Variants in SFXN5 observed in about 807,000 individuals in gnomAD.
SFXN5 encodes sideroflexin-5.
In SFXN5, 43 loss-of-function variants were observed where a neutral mutation model predicts 50.2. The observed-to-expected ratio is 0.86, with a 90% CI of 0.67 to 1.11. SFXN5 has a LOEUF of 1.11. Among genes scored for constraint, SFXN5 ranks in the 50% least tolerant of loss-of-function variants. SFXN5 has a pLI of 0.00. For synonymous variants in SFXN5, 203 were observed against 185.8 expected, an observed-to-expected ratio of 1.09 and a Z score of -0.75; for missense variants, 463 against 454.1, an observed-to-expected ratio of 1.02 and a Z score of -0.18.
chr2:73,031,456 AC>A (rs143256503), intron 3 of SFXN5, among the ~76,000 whole-genome samples: 4,704 of 152,348 alleles, frequency 0.031, 237 homozygotes, highest in African/African-American at 0.11. Flanking sequence ...GAGCTGTTAT[AC>A]AGGACAGAAA....
chr2:72,966,340 T>G (rs1465288724), intron 12 of SFXN5, among the ~76,000 whole-genome samples: 3 of 152,166 alleles, frequency 2.0e-5, no homozygotes, highest in Non-Finnish European at 4.4e-5. Context: ...GACTCAGCAA[T>G]CTCAAGGACA....
At chr2:73,029,129 C>T (rs976566224) in intron 3 of SFXN5, among the ~76,000 whole-genome samples, 9 of 152,214 alleles carry the variant, frequency 5.9e-5, no homozygotes, top group African/African-American at 9.6e-5. Context: ...GGCCTGTCCC[C>T]GAGCCTCCCA....
intron 4 of SFXN5, 40 bp downstream of exon 4, chr2:73,023,148 C>A: frequency 1.3e-6 from 2 of 1,591,302 alleles, no homozygotes; most frequent in East Asian, 2.3e-5. Flanking sequence ...GAGTCCAGGA[C>A]AACACGGAGA....
Position 72,944,699 on chromosome 2 carries a change from AAAGG to A in SFXN5, c.*319_*322del, listed in dbSNP as rs1671739357. On this transcript the variant is annotated 3_prime_UTR_variant, in exon 14 of 14. Coordinates refer to ENST00000272433, the MANE Select transcript of SFXN5 (RefSeq NM_144579.3). The stretch of plus-strand genomic sequence containing the variant: ...AAAATAAAAAAGGAACCAAAGTATA[AAAGG>A]ATTCTACTTCTACCCCATGGGCACT... The A allele has an allele frequency of 7.4e-6, 2 of 271,638 alleles. No homozygotes were observed. Among genetic ancestry groups the A allele is most frequent in the Non-Finnish European group, 1.4e-5 (2 of 144,720 alleles). 16.8% of individuals were successfully genotyped at this position (271,638 alleles called of 1,614,324 possible). A position where few individuals can be genotyped will look rare whatever the true frequency, so the allele number is the denominator to read the frequency against.
intron 1 of SFXN5, chr2:73,059,895 T>C: frequency 2.0e-6 from 2 of 978,020 alleles, no homozygotes; most frequent in Non-Finnish European, 2.4e-6. Context: ...ACCAAGGATA[T>C]TCACTGCTGC....
intron 3 of SFXN5, among the ~76,000 whole-genome samples, chr2:73,033,949 T>A (rs1228545763): frequency 6.6e-6 from 1 of 151,964 alleles, no homozygotes; most frequent in Non-Finnish European, 1.5e-5. Context: ...TGGACAGCCC[T>A]CGCAAAAAAG....
chr2:72,995,997 C>T (rs1673177415), intron 9 of SFXN5, among the ~76,000 whole-genome samples: 2 of 152,278 alleles, frequency 1.3e-5, no homozygotes, highest in South Asian at 4.1e-4. Context: ...CAATCAGTGG[C>T]CTAATTAATA....
chr2:73,033,442 GT>G (rs1367557654), intron 3 of SFXN5, among the ~76,000 whole-genome samples: 26 of 152,236 alleles, frequency 1.7e-4, no homozygotes, highest in Non-Finnish European at 2.5e-4. Context: ...AGGATAGCAA[GT>G]GTGAGCAGGT....
At chr2:73,055,914 T>C (rs1682051952) in intron 2 of SFXN5, among the ~76,000 whole-genome samples, 1 of 152,178 alleles carries the variant, frequency 6.6e-6, no homozygotes, top group African/African-American at 2.4e-5. Context: ...ACCGGGCCAG[T>C]GAATGTCTTG....
chr2:73,069,597 C>T (rs959764178), intron 1 of SFXN5, among the ~76,000 whole-genome samples: 1 of 152,142 alleles, frequency 6.6e-6, no homozygotes, highest in Non-Finnish European at 1.5e-5. Context: ...TTCAAAAGTG[C>T]ATACAACAAA....
chr2:72,952,254 T>C (rs1672614388), intron 13 of SFXN5, among the ~76,000 whole-genome samples: 1 of 152,252 alleles, frequency 6.6e-6, no homozygotes, highest in South Asian at 2.1e-4. Context: ...GTCCAGGCTA[T>C]ATCCTGACCC....
chr2:73,037,920 A>G (rs1220548403), intron 3 of SFXN5, among the ~76,000 whole-genome samples: 1 of 152,250 alleles, frequency 6.6e-6, no homozygotes, highest in Non-Finnish European at 1.5e-5. Flanking sequence ...AGAAAAAGGA[A>G]GACCTGGAAC....
At chr2:72,990,399 T>G (rs1287396902) in intron 9 of SFXN5, among the ~76,000 whole-genome samples, 1 of 151,954 alleles carries the variant, frequency 6.6e-6, no homozygotes, top group Admixed American at 6.5e-5. Flanking sequence ...ATGAATAGAA[T>G]TCATCAAGTC....
chr2:73,028,319 C>T (rs114521463), intron 3 of SFXN5, among the ~76,000 whole-genome samples: 2,281 of 152,330 alleles, frequency 0.015, 19 homozygotes, highest in Non-Finnish European at 0.023. Context: ...GGACCCTCAG[C>T]TCACATGTGG....
rs536643179 is a variant in SFXN5 at position 72,963,150 on chromosome 2, G to A, written c.828-1902C>T. 6.6e-5 allele frequency among the ~76,000 whole-genome samples: 10 copies of A among 152,292 alleles called. No homozygotes were observed. In the East Asian group the frequency reaches 1.5e-3, roughly 24 times the overall value. ...TGCTTGGAGGAGGCTGTGGAAGGACGGGGCTGCCCTCCTGTTCCAGTGGCA... is the reference window on the plus strand; with the variant it reads ...TGCTTGGAGGAGGCTGTGGAAGGACAGGGCTGCCCTCCTGTTCCAGTGGCA... On this transcript the variant is annotated intron_variant, in intron 12 of 13. Transcript: ENST00000272433.
intron 6 of SFXN5, among the ~76,000 whole-genome samples, chr2:73,011,451 A>G (rs2105771267): frequency 6.6e-6 from 1 of 152,374 alleles, no homozygotes; most frequent in South Asian, 2.1e-4. Flanking sequence ...CAATATTTAA[A>G]ACTTTTCTAT....
chr2:73,043,742 A>C (rs1679945200), intron 2 of SFXN5, among the ~76,000 whole-genome samples: 1 of 152,230 alleles, frequency 6.6e-6, no homozygotes, highest in South Asian at 2.1e-4. Context: ...CTGTTTAAAG[A>C]AAATATCAGA....
intron 3 of SFXN5, among the ~76,000 whole-genome samples, chr2:73,034,878 A>G (rs1678767028): frequency 6.6e-6 from 1 of 152,156 alleles, no homozygotes; most frequent in Non-Finnish European, 1.5e-5. Context: ...CTGGTTTTCA[A>G]AGACTTTCTC....
At chr2:73,000,364 T>C (rs1193637326) in intron 8 of SFXN5, 67 bp downstream of exon 8, 11 of 1,454,618 alleles carry the variant, frequency 7.6e-6, no homozygotes, top group Non-Finnish European at 1.0e-5. Flanking sequence ...CATGTCACGC[T>C]GTAGGGAGGA....
Sources: gnomAD v4.1 joint callset for allele counts (sites outside exome capture counted in the v4.1 genomes callset) on GRCh38, gnomAD v4.1.1 for gene constraint, MANE v1.5 for transcripts, NCBI Gene and HGNC (gene_info 2026-07-23, HGNC 2026-07-21) for gene names.